Variants in PEDS1 observed in about 807,000 individuals in gnomAD.
PEDS1 encodes the protein plasmanylethanolamine desaturase 1.
In PEDS1, 14 loss-of-function variants were observed where a neutral mutation model predicts 35.2. The observed-to-expected ratio is 0.40, with a 90% confidence interval of 0.26 to 0.62. The LOEUF is 0.62. Ranked by LOEUF, PEDS1 falls within the 20% of genes least tolerant of loss-of-function variation. The pLI is 0.44. For missense variants in PEDS1, 260 were observed against 367.8 expected, an observed-to-expected ratio of 0.71 and a Z score of 2.40; for synonymous variants, 152 against 152.0, an observed-to-expected ratio of 1.00 and a Z score of 0.00.
intron 1 of PEDS1, 129 bp downstream of exon 1, chr20:50,153,388 G>T: frequency 8.2e-7 from 1 of 1,222,196 alleles, no homozygotes; most frequent in South Asian, 3.5e-5. Context: ...CCCCGAACTT[G>T]CTATTTGCAA....
At chr20:50,152,527 C>T (rs1304141675) in intron 1 of PEDS1, among the ~76,000 whole-genome samples, 2 of 151,886 alleles carry the variant, frequency 1.3e-5, no homozygotes, top group Non-Finnish European at 2.9e-5. Flanking sequence ...AGTAAAATTC[C>T]TAGGGCTCAC....
At chr20:50,142,683 C>CCG (rs1555884373) in intron 2 of PEDS1, among the ~76,000 whole-genome samples, 4 of 40,416 alleles carry the variant, frequency 9.9e-5, no homozygotes, top group African/African-American at 3.5e-4. Flanking sequence ...AAGTCATCCG[C>CCG]CCCCCCCCCC....
chr20:50,134,862 A>T (rs1159709914), intron 2 of PEDS1, among the ~76,000 whole-genome samples: 1 of 152,184 alleles, frequency 6.6e-6, no homozygotes, highest in African/African-American at 2.4e-5. Flanking sequence ...CCTACACAGA[A>T]TATAAGAGGT....
intron 5 of PEDS1, 149 bp from the exon 6 acceptor site, chr20:50,125,328 T>TG: frequency 9.2e-7 from 1 of 1,091,484 alleles, no homozygotes. Context: ...GAACTGGAAG[T>TG]GGGGGCCTCC....
chr20:50,144,479 C>T (rs562568108), intron 1 of PEDS1, among the ~76,000 whole-genome samples: 5 of 152,242 alleles, frequency 3.3e-5, no homozygotes, highest in South Asian at 2.1e-4. Flanking sequence ...AAAAGTATGG[C>T]GTGTGGGCCA....
intron 1 of PEDS1, among the ~76,000 whole-genome samples, chr20:50,146,690 G>A (rs2147303268): frequency 6.6e-6 from 1 of 152,264 alleles, no homozygotes; most frequent in African/African-American, 2.4e-5. Context: ...CTCAGAAGGG[G>A]AACGGAACAC....
At chr20:50,132,152 C>T (rs1364822939) in intron 2 of PEDS1, among the ~76,000 whole-genome samples, 3 of 152,024 alleles carry the variant, frequency 2.0e-5, no homozygotes, top group Non-Finnish European at 4.4e-5. Flanking sequence ...TGCAGTGAGT[C>T]GAGATCATGC....
In PEDS1 at chr20:50,129,603, G is replaced by T. The variant is rs1242230984; in HGVS notation, c.421C>A (p.Leu141Met). ...TTTAGCAGCGGCAGCAGTGTCACCA[G>T]GCAGTTGTCCCCGTTGGTCTCGATG... ...DFIETNGDNC[L>M]VTLLPLLNMA... Residue 141 changes from leucine to methionine, a missense_variant, in exon 4 of 6, where the codon CTG (leucine) becomes ATG (methionine). Coordinates refer to ENST00000371652, the MANE Select transcript of PEDS1 (RefSeq NM_199129.4). The surrounding 1 kb of genome is among the most constrained non-coding windows in gnomAD (Gnocchi z 4.2). 1 of 1,614,106 alleles carries T rather than the reference G, an allele frequency of 6.2e-7. No individual in the cohort carries two copies. Among genetic ancestry groups the T allele is most frequent in the African/African-American group, 1.3e-5 (1 of 75,004 alleles).
Position 50,122,192 on chromosome 20 carries a change from T to C in PEDS1, c.*2866A>G, listed in dbSNP as rs1360861925. ...AGAGAGACCACGTTTTGATGAATCA[T>C]GTGAGCCCCTGGGTCCTGCCAAACC... On this transcript the variant is annotated 3_prime_UTR_variant, in exon 6 of 6. Transcript: ENST00000371652. 7 of 152,214 alleles carry C rather than the reference T, an allele frequency of 4.6e-5. No homozygotes were observed. The highest frequency in any genetic ancestry group is 2.9e-5 in the Non-Finnish European group (2 of 68,044). The allele number at this position is 152,214 out of a possible 1,614,324, so 9.4% of individuals were successfully genotyped here. A position where few individuals can be genotyped will look rare whatever the true frequency, so the allele number is the denominator to read the frequency against.
At position 50,121,675 on chromosome 20, in the gene PEDS1, T is replaced by C. The variant is rs1459646963; in HGVS notation, c.*3383A>G. On this transcript the variant is annotated 3_prime_UTR_variant, in exon 6 of 6. Transcript: ENST00000371652. ...ACCTTCTGGTTTTGAGAAGGATTTT[T>C]TTCCAGCCCCCAGAATTCAGAAGTG... The C allele has an allele frequency of 6.6e-6, 1 of 152,206 alleles. No individual in the cohort carries two copies. Among genetic ancestry groups the C allele is most frequent in the Non-Finnish European group, 1.5e-5 (1 of 68,048 alleles). 9.4% of individuals were successfully genotyped at this position (152,206 alleles called of 1,614,324 possible). A position where few individuals can be genotyped will look rare whatever the true frequency, so the allele number is the denominator to read the frequency against.
At chr20:50,135,890 G>A (rs559387948) in intron 2 of PEDS1, among the ~76,000 whole-genome samples, 3 of 152,202 alleles carry the variant, frequency 2.0e-5, no homozygotes, top group East Asian at 1.9e-4. Flanking sequence ...GCAGTCGTGC[G>A]GATCAGCAGT....
intron 1 of PEDS1, among the ~76,000 whole-genome samples, chr20:50,147,950 C>G (rs1330190055): frequency 6.6e-6 from 1 of 151,948 alleles, no homozygotes; most frequent in South Asian, 2.1e-4. Flanking sequence ...CCTAGCTACT[C>G]GGGAGGGTGC....
chr20:50,125,277 G>A, intron 5 of PEDS1, 98 bp from the exon 6 acceptor site: 3 of 1,483,138 alleles, frequency 2.0e-6, no homozygotes, highest in Middle Eastern at 3.6e-4. Context: ...GGCCCAATGA[G>A]GAGTGAGTCA....
At chr20:50,152,409 C>T (rs1275296324) in intron 1 of PEDS1, among the ~76,000 whole-genome samples, 1 of 152,218 alleles carries the variant, frequency 6.6e-6, no homozygotes, top group African/African-American at 2.4e-5. Context: ...AACAAAGCTT[C>T]ATTCCATGGT....
chr20:50,151,378 C>A (rs2081401309), intron 1 of PEDS1: 2 of 1,057,640 alleles, frequency 1.9e-6, no homozygotes, highest in Non-Finnish European at 2.6e-6. Context: ...AAACAGCAAT[C>A]CCTGGGGAGG....
rs1415468792 is a variant in PEDS1 at position 50,139,150 on chromosome 20, G to A, written c.241+4352C>T. On this transcript the variant is annotated intron_variant, in intron 2 of 5. Coordinates refer to ENST00000371652, the MANE Select transcript of PEDS1 (RefSeq NM_199129.4). ...CAGGACGGGCCACGACCCGAGCCTG[G>A]GACTTCTCTGACCTCATCCCTGACC... Among the ~76,000 whole-genome samples the A allele has an allele frequency of 5.3e-5, 8 of 152,246 alleles. No homozygotes were observed. In the South Asian group the frequency reaches 1.0e-3, roughly 20 times the overall value.
rs1254656040 is a variant in PEDS1, at chr20:50,119,141, C to G, written c.*5917G>C. 1 of 152,040 alleles carries G rather than the reference C, an allele frequency of 6.6e-6. No individual in the cohort carries two copies. Among genetic ancestry groups the G allele is most frequent in the African/African-American group, 2.4e-5 (1 of 41,394 alleles). 9.4% of individuals were successfully genotyped at this position (152,040 alleles called of 1,614,324 possible). A position where few individuals can be genotyped will look rare whatever the true frequency, so the allele number is the denominator to read the frequency against. ...TGGAAGACAATTTGGTATGCACTATCAAAATTTAAAACACACTCGTGGTTC... is the reference window on the plus strand; with the variant it reads ...TGGAAGACAATTTGGTATGCACTATGAAAATTTAAAACACACTCGTGGTTC... On this transcript the variant is annotated 3_prime_UTR_variant, in exon 6 of 6. Coordinates refer to ENST00000371652, the MANE Select transcript of PEDS1 (RefSeq NM_199129.4).
In PEDS1 at chr20:50,129,442, T is replaced by C; in HGVS notation, c.478+104A>G. On this transcript the variant is annotated intron_variant, in intron 4 of 5. Coordinates refer to ENST00000371652, the MANE Select transcript of PEDS1 (RefSeq NM_199129.4). This position sits in a 1 kb window ranked among gnomAD's most constrained non-coding sequence, Gnocchi z 4.2. Reference sequence around the variant, plus strand: ...TGAAGACAATGAATGAAAACTCTTTTAAAATACCATAAGGAGCCAAACACA... The same window carrying C: ...TGAAGACAATGAATGAAAACTCTTTCAAAATACCATAAGGAGCCAAACACA... 1 of 1,463,988 alleles carries C rather than the reference T, an allele frequency of 6.8e-7. No individual in the cohort carries two copies. 90.7% of individuals were successfully genotyped at this position (1,463,988 alleles called of 1,614,324 possible).
In PEDS1 at chr20:50,125,748, A is replaced by G. The variant is rs149987415; in HGVS notation, c.692-569T>C. Among the ~76,000 whole-genome samples, 866 of 152,220 alleles carry G rather than the reference A, an allele frequency of 5.7e-3. 10 individuals carry two copies. Among genetic ancestry groups the G allele is most frequent in the African/African-American group, 0.019 (807 of 41,542 alleles). ...GCTGAGACTACAGGTGCACACCACCATGCCCAGCTAAGTTTTGTATTTTTA... is the reference window on the plus strand; with the variant it reads ...GCTGAGACTACAGGTGCACACCACCGTGCCCAGCTAAGTTTTGTATTTTTA... On this transcript the variant is annotated intron_variant, in intron 5 of 5. Transcript: ENST00000371652.
Sources: gnomAD v4.1 joint callset for allele counts (sites outside exome capture counted in the v4.1 genomes callset) on GRCh38, gnomAD v4.1.1 for gene constraint, Gnocchi (gnomAD v3.1) non-coding constraint, MANE v1.5 for transcripts, NCBI Gene and HGNC (gene_info 2026-07-23, HGNC 2026-07-21) for gene names.